Variants in MKRN2OS observed in about 807,000 individuals in gnomAD.
MKRN2OS encodes MKRN2 opposite strand protein.
In MKRN2OS, 17 loss-of-function variants were observed where a neutral mutation model predicts 18.2. That is an observed-to-expected ratio of 0.93 (90% CI 0.64 to 1.40). The LOEUF is 1.40. MKRN2OS is among the 40% of genes most tolerant of loss of function. The pLI is 0.00. For synonymous variants in MKRN2OS, 121 were observed against 108.5 expected (o/e 1.12, Z -0.72); for missense variants, 337 against 283.0 (o/e 1.19, Z -1.37).
At chr3:12,554,538 C>T (rs917387939) in intron 1 of MKRN2OS, among the ~76,000 whole-genome samples, 1 of 151,266 alleles carries the variant, frequency 6.6e-6, no homozygotes, top group Non-Finnish European at 1.5e-5. Flanking sequence ...TGACACAGAC[C>T]TCAGGAGATC....
chr3:12,545,026 T>C (rs2057866502), intron 1 of MKRN2OS, among the ~76,000 whole-genome samples: 1 of 132,680 alleles, frequency 7.5e-6, no homozygotes, highest in African/African-American at 2.8e-5. Flanking sequence ...TTACTCTTCA[T>C]ATATTCCACA....
chr3:12,545,614 A>AC, upstream of MKRN2OS: 2 of 555,852 alleles, frequency 3.6e-6, no homozygotes, highest in Non-Finnish European at 6.2e-6. Flanking sequence ...GATAGGATTA[A>AC]CCAGTAGCCA....
intron 3 of MKRN2OS, 106 bp from the exon 4 acceptor site, chr3:12,540,539 G>A: frequency 1.5e-6 from 2 of 1,311,400 alleles, no homozygotes; most frequent in Non-Finnish European, 2.1e-6. Context: ...AGCAAGCAAG[G>A]CCCCTGCATG....
intron 3 of MKRN2OS, among the ~76,000 whole-genome samples, chr3:12,540,931 C>T (rs1244891062): frequency 1.3e-5 from 2 of 149,132 alleles, no homozygotes; most frequent in Admixed American, 6.7e-5. Flanking sequence ...TCTCTTGGGC[C>T]GTTTCTGCTT....
chr3:12,543,630 A>C (rs2057846481), intron 1 of MKRN2OS, among the ~76,000 whole-genome samples: 1 of 151,686 alleles, frequency 6.6e-6, no homozygotes, highest in Non-Finnish European at 1.5e-5. Context: ...TCACGCCTGT[A>C]ATCTCAGCAC....
In MKRN2OS at chr3:12,540,159, AC is replaced by A; in HGVS notation, c.*33del. Reference sequence around the variant, plus strand: ...ACTGATTAAAGGTAGCAACCACCCTACCCTCCAGCGTCCAGGCTGCGCTTAC... The same window carrying A: ...ACTGATTAAAGGTAGCAACCACCCTACCTCCAGCGTCCAGGCTGCGCTTAC... On this transcript the variant is annotated 3_prime_UTR_variant, in exon 4 of 4. Transcript: ENST00000564146. The A allele has an allele frequency of 5.9e-6, 9 of 1,535,694 alleles. No homozygotes were observed. The highest frequency in any genetic ancestry group is 7.8e-6 in the Non-Finnish European group (9 of 1,146,680).
chr3:12,549,254 T>C (rs190561288), upstream of MKRN2OS, among the ~76,000 whole-genome samples: 17 of 149,064 alleles, frequency 1.1e-4, no homozygotes, highest in Admixed American at 1.0e-3. Context: ...ATGTTATTTA[T>C]TTGTTTGTTT....
chr3:12,544,684 A>AG (rs2057862162), intron 1 of MKRN2OS, among the ~76,000 whole-genome samples: 1 of 30,486 alleles, frequency 3.3e-5, no homozygotes, highest in African/African-American at 1.7e-3. Context: ...TGTCTCGGGG[A>AG]AAAAAAAAAG....
intron 1 of MKRN2OS, among the ~76,000 whole-genome samples, chr3:12,558,898 C>T (rs1441692422): frequency 6.6e-6 from 1 of 152,168 alleles, no homozygotes; most frequent in African/African-American, 2.4e-5. Context: ...CAGCAACCAG[C>T]GCTCTTCCAC....
intron 3 of MKRN2OS, 105 bp downstream of exon 3, chr3:12,541,755 A>G: frequency 5.8e-6 from 7 of 1,208,994 alleles, no homozygotes; most frequent in South Asian, 3.2e-5. Context: ...TCGGCTCAAC[A>G]TGAAGCTAAG....
upstream of MKRN2OS, chr3:12,545,560 C>G (rs1278534341): frequency 2.1e-6 from 2 of 942,654 alleles, no homozygotes; most frequent in Non-Finnish European, 3.1e-6. Flanking sequence ...GGAACCTGAT[C>G]AATGGTGATG....
chr3:12,540,590 C>T (rs1171567177), intron 3 of MKRN2OS, among the ~76,000 whole-genome samples, 157 bp from the exon 4 acceptor site: 1 of 151,850 alleles, frequency 6.6e-6, no homozygotes, highest in Non-Finnish European at 1.5e-5. Context: ...ATGTGCACTT[C>T]AGGCCGGGTG....
downstream of MKRN2OS, among the ~76,000 whole-genome samples, chr3:12,553,194 T>A (rs779104383): frequency 3.3e-5 from 5 of 152,106 alleles, no homozygotes; most frequent in Non-Finnish European, 7.4e-5. Context: ...ATATCCCAGA[T>A]ACCAGCACCT....
At chr3:12,541,156 T>A (rs941106084) in intron 3 of MKRN2OS, among the ~76,000 whole-genome samples, 16 of 152,006 alleles carry the variant, frequency 1.1e-4, no homozygotes, top group African/African-American at 3.9e-4. Flanking sequence ...ATGTTGAGAG[T>A]GAGAAATTAA....
intron 1 of MKRN2OS, chr3:12,557,208 G>A (rs779939368): frequency 5.2e-6 from 8 of 1,530,288 alleles, no homozygotes; most frequent in Non-Finnish European, 6.1e-6. Context: ...GCTTCGGGCC[G>A]CTCCCCCAGG....
At chr3:12,541,798 C>T (rs1324121012) in intron 3 of MKRN2OS, 62 bp downstream of exon 3, 17 of 1,484,814 alleles carry the variant, frequency 1.1e-5, no homozygotes, top group South Asian at 2.6e-5. Flanking sequence ...TGAGGCTACA[C>T]GGGGATCCCA....
rs2057771217 is a variant in MKRN2OS at position 12,540,032 on chromosome 3, G to A, written c.*161C>T. On this transcript the variant is annotated 3_prime_UTR_variant, in exon 4 of 4. Transcript: ENST00000564146. Reference sequence around the variant, plus strand: ...ACTCCCAACCTCAGGTGACCTACCTGTCTTAGCTTCCCAAAGTGCTGGGAT... The same window carrying A: ...ACTCCCAACCTCAGGTGACCTACCTATCTTAGCTTCCCAAAGTGCTGGGAT... The A allele has an allele frequency of 9.5e-7, 1 of 1,049,004 alleles. No homozygotes were observed. The highest frequency in any genetic ancestry group is 1.4e-6 in the Non-Finnish European group (1 of 736,312). The allele number at this position is 1,049,004 out of a possible 1,614,324, so 65.0% of individuals were successfully genotyped here.
At chr3:12,548,910 A>T (rs1234510406), upstream of MKRN2OS, among the ~76,000 whole-genome samples, 3 of 152,264 alleles carry the variant, frequency 2.0e-5, no homozygotes, top group Admixed American at 6.5e-5. Flanking sequence ...TGTAGTTTTT[A>T]AAAGATTTTT....
intron 1 of MKRN2OS, among the ~76,000 whole-genome samples, chr3:12,557,821 G>T (rs1489007329): frequency 6.6e-6 from 1 of 152,248 alleles, no homozygotes; most frequent in Non-Finnish European, 1.5e-5. Context: ...GAGACCGAAA[G>T]ACGTTGACAC....
Sources: allele counts gnomAD v4.1 joint callset (sites outside exome capture counted in the v4.1 genomes callset), GRCh38; gene constraint gnomAD v4.1.1; transcripts MANE v1.5; gene names NCBI Gene and HGNC (gene_info 2026-07-23, HGNC 2026-07-21).